LINGO2: variants seen among roughly 807,000 people sequenced by gnomAD.
The protein encoded by LINGO2 is leucine rich repeat and Ig domain containing 2.
LINGO2 carries 14 observed loss-of-function variants against 30.6 expected under a neutral mutation model. The observed-to-expected ratio is 0.46, with a 90% CI of 0.30 to 0.72. The LOEUF (loss-of-function observed/expected upper bound fraction) is 0.72. LINGO2 is among the 30% of genes least tolerant of loss of function. The probability of loss-of-function intolerance (pLI) is 0.07; values close to 1 mark genes in which losing one functional copy is unlikely to be tolerated. For missense variants in LINGO2, 729 were observed against 751.7 expected, an observed-to-expected ratio of 0.97 and a Z score of 0.35; for synonymous variants, 317 against 288.5, an observed-to-expected ratio of 1.10 and a Z score of -1.00.
intron 1 of LINGO2, among the ~76,000 whole-genome samples, chr9:28,482,522 T>C (rs1826013416): frequency 6.6e-6 from 1 of 152,078 alleles, no homozygotes; most frequent in African/African-American, 2.4e-5. Context: ...TTCTGGATAT[T>C]AGCCCTTTGT....
At chr9:27,953,858 TG>T (rs1819434776) in intron 5 of LINGO2, among the ~76,000 whole-genome samples, 6 of 152,224 alleles carry the variant, frequency 3.9e-5, no homozygotes, top group Non-Finnish European at 8.8e-5. Context: ...TACTCACATT[TG>T]TATGAACATA....
At chr9:29,193,271 C>T in the LINGO2 span, among the ~76,000 whole-genome samples, 1 of 152,126 alleles carries the variant, frequency 6.6e-6, no homozygotes, top group African/African-American at 2.4e-5. Flanking sequence ...CCTTTAGGCT[C>T]TCTGAGTCTT....
the LINGO2 span, among the ~76,000 whole-genome samples, chr9:29,083,290 G>A: frequency 6.6e-6 from 1 of 152,094 alleles, no homozygotes; most frequent in Non-Finnish European, 1.5e-5. Context: ...GTAGGTACAT[G>A]GATGAAGCTG....
At chr9:27,950,737 G>C in intron 5 of LINGO2, 31 bp from the exon 7 acceptor site, 1 of 1,297,482 alleles carries the variant, frequency 7.7e-7, no homozygotes, top group South Asian at 2.0e-5. Flanking sequence ...AAGGGAGGAA[G>C]AGAAGGTGAG....
intron 2 of LINGO2, among the ~76,000 whole-genome samples, chr9:28,433,923 T>TCGCTCTCTCTCTCTCTC (rs1564196132): frequency 9.1e-6 from 1 of 109,932 alleles, no homozygotes; most frequent in Non-Finnish European, 2.0e-5. Flanking sequence ...TGCTCTCTCT[T>TCGCTCTCTCTCTCTCTC]TCTCTCTCTC....
the LINGO2 span, among the ~76,000 whole-genome samples, chr9:29,180,052 T>TAAGTAGGAAGGCAGCAAAA: frequency 6.6e-6 from 1 of 152,136 alleles, no homozygotes; most frequent in East Asian, 1.9e-4. Context: ...AGTAAGTAGG[T>TAAGTAGGAAGGCAGCAAAA]AGATAGGAGG....
the LINGO2 span, among the ~76,000 whole-genome samples, chr9:28,892,827 C>T: frequency 6.6e-6 from 1 of 151,856 alleles, no homozygotes; most frequent in Non-Finnish European, 1.5e-5. Flanking sequence ...TAGTGTTATG[C>T]TAGTGCTACA....
chr9:28,803,729 T>A, the LINGO2 span, among the ~76,000 whole-genome samples: 1 of 151,968 alleles, frequency 6.6e-6, no homozygotes, highest in Non-Finnish European at 1.5e-5. Context: ...ATAATAGCCA[T>A]GTAAAAATCA....
chr9:28,796,938 C>T, the LINGO2 span, among the ~76,000 whole-genome samples: 1 of 151,450 alleles, frequency 6.6e-6, no homozygotes, highest in Non-Finnish European at 1.5e-5. Context: ...GCTGTGTGTG[C>T]ATGTGAGTGT....
chr9:28,614,388 C>T (rs1421393859), intron 1 of LINGO2, among the ~76,000 whole-genome samples: 1 of 152,050 alleles, frequency 6.6e-6, no homozygotes, highest in East Asian at 1.9e-4. Flanking sequence ...TTATGAATTT[C>T]TTAAATGTAT....
chr9:28,442,564 C>T (rs1362683945), intron 2 of LINGO2, among the ~76,000 whole-genome samples: 6 of 151,734 alleles, frequency 4.0e-5, no homozygotes, highest in African/African-American at 9.7e-5. Flanking sequence ...AACTATTTTT[C>T]TTTTTTATTC....
chr9:28,715,589 C>G, the LINGO2 span, among the ~76,000 whole-genome samples: 1 of 152,104 alleles, frequency 6.6e-6, no homozygotes, highest in South Asian at 2.1e-4. Context: ...GGTGGGGTTG[C>G]TAAAGCAAAT....
At chr9:28,851,560 T>A in the LINGO2 span, among the ~76,000 whole-genome samples, 5 of 152,168 alleles carry the variant, frequency 3.3e-5, no homozygotes, top group East Asian at 7.7e-4. Context: ...ATCCAGGGAT[T>A]AGGACATAAC....
chr9:28,347,642 G>C (rs772586199), intron 3 of LINGO2, among the ~76,000 whole-genome samples: 1 of 152,074 alleles, frequency 6.6e-6, no homozygotes. Context: ...TTACATGTTC[G>C]AATAAGCTAA....
intron 5 of LINGO2, among the ~76,000 whole-genome samples, chr9:27,993,270 T>G (rs1039764242): frequency 3.9e-5 from 6 of 152,148 alleles, no homozygotes; most frequent in Admixed American, 6.6e-5. Context: ...TTTCTTTCTT[T>G]GTTGAGGTAA....
At chr9:28,617,023 G>A (rs114419273) in intron 1 of LINGO2, among the ~76,000 whole-genome samples, 1,574 of 151,862 alleles carry the variant, frequency 0.01, 25 homozygotes, top group African/African-American at 0.032. Flanking sequence ...TTATTTTATG[G>A]CAACAAAGTA....
chr9:28,841,217 T>C, the LINGO2 span, among the ~76,000 whole-genome samples: 1 of 151,824 alleles, frequency 6.6e-6, no homozygotes, highest in Non-Finnish European at 1.5e-5. Flanking sequence ...CTGACTCATA[T>C]GTATATGTAC....
the LINGO2 span, among the ~76,000 whole-genome samples, chr9:28,790,996 G>C: frequency 1.1e-4 from 17 of 151,970 alleles, no homozygotes; most frequent in Non-Finnish European, 1.2e-4. Context: ...AATGAATCTT[G>C]CTTACAGTTT....
chr9:28,767,193 A>G, the LINGO2 span, among the ~76,000 whole-genome samples: 1 of 152,184 alleles, frequency 6.6e-6, no homozygotes, highest in African/African-American at 2.4e-5. Flanking sequence ...ATAATTAATA[A>G]TATTGCATTA....
Sources: gnomAD v4.1 joint callset for allele counts (sites outside exome capture counted in the v4.1 genomes callset) on GRCh38, gnomAD v4.1.1 for gene constraint, MANE v1.5 for transcripts, NCBI Gene and HGNC (gene_info 2026-07-23, HGNC 2026-07-21) for gene names.